The following DENND5A variants were observed in gnomAD, a reference collection of about 807,000 sequenced individuals.
DENND5A encodes the protein DENN domain containing 5A.
A neutral mutation model predicts 140.3 loss-of-function variants in DENND5A; 64 were observed. The observed-to-expected ratio is 0.46, with a 90% CI of 0.37 to 0.56. DENND5A has a LOEUF of 0.56. DENND5A is among the 20% of genes least tolerant of loss of function. DENND5A has a pLI of 0.00. For synonymous variants in DENND5A, 605 were observed against 607.7 expected (o/e 1.00, Z 0.07); for missense variants, 1,292 against 1,593.8 (o/e 0.81, Z 3.22).
rs10655528 is a variant in DENND5A at position 9,215,550 on chromosome 11, CT to C, written c.110-7919del. On this transcript the variant is annotated intron_variant, in intron 1 of 22. Transcript: ENST00000328194. ...AGTCTAAGAAACCCAATCCTGTGTT[CT>C]TTTTTTTTTTTTTTGAGATGGAGTC... Among the ~76,000 whole-genome samples, 293 of 140,456 alleles carry C rather than the reference CT, an allele frequency of 2.1e-3. 1 individual carries two copies. The Middle Eastern group carries it at 0.04, about 19-fold the overall frequency. The allele number at this position is 140,456 out of a possible 152,430, so 92.1% of individuals were successfully genotyped here.
At chr11:9,229,540 G>C (rs1433624534) in intron 1 of DENND5A, among the ~76,000 whole-genome samples, 1 of 151,894 alleles carries the variant, frequency 6.6e-6, no homozygotes, top group African/African-American at 2.4e-5. Flanking sequence ...ACAGATAATA[G>C]AAAAGCAAGC....
intron 18 of DENND5A, 93 bp from the exon 19 acceptor site, chr11:9,144,371 T>C: frequency 7.8e-7 from 1 of 1,278,202 alleles, no homozygotes; most frequent in African/African-American, 1.5e-5. Flanking sequence ...GGAGATAGGC[T>C]CTGAAACCAG....
chr11:9,145,619 GCTGTTGCAAACTCAGATC>G (rs1446934172), intron 17 of DENND5A, 33 bp downstream of exon 17: 1 of 1,604,376 alleles, frequency 6.2e-7, no homozygotes, highest in Admixed American at 1.7e-5. Context: ...CCCCAAAGCG[GCTGTTGCAAACTCAGATC>G]CCCACAGAGC....
chr11:9,252,569 C>T (rs1851776428), intron 1 of DENND5A, among the ~76,000 whole-genome samples: 2 of 151,996 alleles, frequency 1.3e-5, no homozygotes, highest in African/African-American at 4.8e-5. Context: ...ATTGCTTGAA[C>T]CTTGGAGGCG....
chr11:9,218,867 G>A (rs1850201270), intron 1 of DENND5A, among the ~76,000 whole-genome samples: 2 of 152,010 alleles, frequency 1.3e-5, no homozygotes, highest in African/African-American at 2.4e-5. Flanking sequence ...TTAGCCAGGC[G>A]TAGTGGCACA....
intron 22 of DENND5A, among the ~76,000 whole-genome samples, chr11:9,141,246 G>C (rs939169161): frequency 5.3e-5 from 8 of 152,208 alleles, no homozygotes; most frequent in Non-Finnish European, 1.2e-4. Flanking sequence ...GATATACTCT[G>C]CTTCAAACTT....
At chr11:9,212,799 C>T (rs1849930238) in intron 1 of DENND5A, among the ~76,000 whole-genome samples, 1 of 151,990 alleles carries the variant, frequency 6.6e-6, no homozygotes, top group Non-Finnish European at 1.5e-5. Flanking sequence ...CAACAGGTTA[C>T]GTATTGTGTG....
chr11:9,172,537 T>G (rs1190539564), intron 8 of DENND5A, among the ~76,000 whole-genome samples: 1 of 152,174 alleles, frequency 6.6e-6, no homozygotes, highest in Non-Finnish European at 1.5e-5. Flanking sequence ...AGGGGCGGTT[T>G]CCCTCATGCT....
Position 9,236,183 on chromosome 11 carries a change from A to C in DENND5A, c.110-28551T>G, listed in dbSNP as rs544495400. Among the ~76,000 whole-genome samples the C allele has an allele frequency of 1.4e-4, 21 of 150,632 alleles. No individual in the cohort carries two copies. The South Asian group carries it at 4.0e-3, about 29-fold the overall frequency. ...GGCTGCAGTGAGCCATGTTTGCACCACTGCACTCCAGCCTGGGCAACAGAG... is the reference window on the plus strand; with the variant it reads ...GGCTGCAGTGAGCCATGTTTGCACCCCTGCACTCCAGCCTGGGCAACAGAG... On this transcript the variant is annotated intron_variant, in intron 1 of 22. Coordinates refer to ENST00000328194, the MANE Select transcript of DENND5A (RefSeq NM_015213.4).
intron 1 of DENND5A, among the ~76,000 whole-genome samples, chr11:9,230,230 CTTTTTTTTTT>C (rs71062817): frequency 3.8e-5 from 2 of 52,060 alleles, no homozygotes; most frequent in East Asian, 6.4e-4. Flanking sequence ...AAAACTAATG[CTTTTTTTTTT>C]TTTTTTTTTT....
intron 12 of DENND5A, among the ~76,000 whole-genome samples, chr11:9,153,344 CAAAAAAAAA>C (rs59736475): frequency 1.5e-4 from 4 of 27,024 alleles, no homozygotes; most frequent in East Asian, 1.5e-3. Context: ...GGCTCCCTCT[CAAAAAAAAA>C]AAAAAAAAAA....
intron 1 of DENND5A, among the ~76,000 whole-genome samples, chr11:9,227,253 T>C (rs530093680): frequency 5.9e-5 from 9 of 152,210 alleles, no homozygotes; most frequent in South Asian, 2.1e-4. Flanking sequence ...TCAATCACCA[T>C]GGGACTTATA....
intron 1 of DENND5A, among the ~76,000 whole-genome samples, chr11:9,218,528 C>T (rs1000069326): frequency 2.6e-5 from 4 of 151,954 alleles, no homozygotes; most frequent in African/African-American, 9.7e-5. Flanking sequence ...GAGTTTGAGA[C>T]CAGTCTGTGC....
At chr11:9,256,218 T>A (rs897212379) in intron 1 of DENND5A, among the ~76,000 whole-genome samples, 1 of 152,092 alleles carries the variant, frequency 6.6e-6, no homozygotes, top group African/African-American at 2.4e-5. Context: ...TCCCAGCACT[T>A]TAGGAGGCCA....
intron 11 of DENND5A, among the ~76,000 whole-genome samples, chr11:9,163,861 T>C (rs1354062550): frequency 7.7e-6 from 1 of 129,654 alleles, no homozygotes; most frequent in Non-Finnish European, 1.6e-5. Flanking sequence ...AATGCAGAAA[T>C]GCAGCATCAC....
intron 2 of DENND5A, 103 bp from the exon 3 acceptor site, chr11:9,206,885 G>A (rs1231562896): frequency 2.5e-6 from 2 of 805,420 alleles, no homozygotes; most frequent in Non-Finnish European, 4.2e-6. Flanking sequence ...AGAAATGAAG[G>A]CAAGGGGGTT....
At chr11:9,237,102 A>G (rs1363049509) in intron 1 of DENND5A, among the ~76,000 whole-genome samples, 1 of 152,218 alleles carries the variant, frequency 6.6e-6, no homozygotes, top group Non-Finnish European at 1.5e-5. Flanking sequence ...GTTCAGCCTA[A>G]TAATTAAATT....
chr11:9,140,935 T>C (rs760858765), intron 22 of DENND5A, among the ~76,000 whole-genome samples: 1 of 152,162 alleles, frequency 6.6e-6, no homozygotes, highest in Non-Finnish European at 1.5e-5. Context: ...AAGACCAGCC[T>C]GACCAACATG....
intron 4 of DENND5A, among the ~76,000 whole-genome samples, chr11:9,201,646 G>T (rs1349810518): frequency 3.9e-5 from 6 of 151,946 alleles, no homozygotes; most frequent in South Asian, 2.1e-4. Context: ...CTCCAACCTG[G>T]GCAGCAGAGT....
Sources: allele counts gnomAD v4.1 joint callset (sites outside exome capture counted in the v4.1 genomes callset), GRCh38; gene constraint gnomAD v4.1.1; transcripts MANE v1.5; gene names NCBI Gene and HGNC (gene_info 2026-07-23, HGNC 2026-07-21).